Variants in USP3 observed in about 807,000 individuals in gnomAD.
USP3 encodes the protein ubiquitin specific peptidase 3.
A neutral mutation model predicts 72.3 loss-of-function variants in USP3; 20 were observed. That is an observed-to-expected ratio of 0.28 (90% CI 0.19 to 0.40). The LOEUF is 0.40. Ranked by LOEUF, USP3 falls within the 10% of genes least tolerant of loss-of-function variation. The probability of loss-of-function intolerance (pLI) is 1.00; values close to 1 mark genes in which losing one functional copy is unlikely to be tolerated. For missense variants in USP3, 479 were observed against 633.9 expected (o/e 0.76, Z 2.62); for synonymous variants, 222 against 225.3 (o/e 0.99, Z 0.13).
At chr15:63,555,346 C>T (rs1193910766) in intron 4 of USP3, among the ~76,000 whole-genome samples, 1 of 152,222 alleles carries the variant, frequency 6.6e-6, no homozygotes, top group African/African-American at 2.4e-5. Flanking sequence ...CCCCGTGGAG[C>T]AGCACTGTCC....
At chr15:63,556,804 T>G in intron 5 of USP3, 56 bp downstream of exon 5, 6 of 1,188,346 alleles carry the variant, frequency 5.0e-6, no homozygotes, top group Non-Finnish European at 4.8e-6. Flanking sequence ...AATCACTGTT[T>G]TGTTACAACT....
At chr15:63,505,172 C>G (rs1373896831) in intron 1 of USP3, among the ~76,000 whole-genome samples, 1 of 151,864 alleles carries the variant, frequency 6.6e-6, no homozygotes, top group South Asian at 2.1e-4. Flanking sequence ...TGTGCCCGTC[C>G]GTGTTGCGGG....
At chr15:63,512,271 C>T (rs1301542500) in intron 1 of USP3, among the ~76,000 whole-genome samples, 2 of 150,986 alleles carry the variant, frequency 1.3e-5, no homozygotes, top group Non-Finnish European at 2.9e-5. Context: ...TTCCCCTCTT[C>T]TTCTTCTTCC....
At position 63,570,972 on chromosome 15, in the gene USP3, T is replaced by A. The variant is rs2152677971; in HGVS notation, c.908+393T>A. Among the ~76,000 whole-genome samples the A allele has an allele frequency of 6.6e-6, 1 of 152,352 alleles. No individual in the cohort carries two copies. The highest frequency in any genetic ancestry group is 1.5e-5 in the Non-Finnish European group (1 of 68,034). On this transcript the variant is annotated intron_variant, in intron 9 of 14. Coordinates refer to ENST00000380324, the MANE Select transcript of USP3 (RefSeq NM_006537.4). The surrounding 1 kb of genome is among the most constrained non-coding windows in gnomAD (Gnocchi z 4.4). ...GCTTAAAACATTTTGAATGTGAACT[T>A]TCCTAAAGCTTCATTATGGACTTGA...
rs191003180 is a variant in USP3, at chr15:63,583,809, C to G, written c.1097-4496C>G. 4.1e-4 allele frequency among the ~76,000 whole-genome samples: 63 copies of G among 152,248 alleles called. No homozygotes were observed. The East Asian group carries it at 4.8e-3, about 12-fold the overall frequency. ...TGTAAGCATGTCTCAGAATTTACTTCCTTTTTGAGGCTTAATATTCTCTGG... is the reference window on the plus strand; with the variant it reads ...TGTAAGCATGTCTCAGAATTTACTTGCTTTTTGAGGCTTAATATTCTCTGG... On this transcript the variant is annotated intron_variant, in intron 11 of 14. Coordinates refer to ENST00000380324, the MANE Select transcript of USP3 (RefSeq NM_006537.4).
chr15:63,556,939 G>A (rs978603133), intron 5 of USP3, 191 bp downstream of exon 5: 5 of 494,376 alleles, frequency 1.0e-5, no homozygotes, highest in African/African-American at 7.8e-5. Flanking sequence ...CCATCTGTCA[G>A]CACCTTCTTC....
intron 8 of USP3, among the ~76,000 whole-genome samples, chr15:63,566,674 G>C (rs1451034192): frequency 6.6e-6 from 1 of 152,102 alleles, no homozygotes; most frequent in African/African-American, 2.4e-5. Flanking sequence ...TTTGTGAAAA[G>C]ATTTTAAAAT....
intron 3 of USP3, among the ~76,000 whole-genome samples, chr15:63,543,449 G>A (rs920660971): frequency 6.6e-6 from 1 of 152,116 alleles, no homozygotes; most frequent in Admixed American, 6.6e-5. Context: ...TTATTTGGGA[G>A]GAGAAAAGAA....
At chr15:63,508,865 C>G (rs1455778025) in intron 1 of USP3, among the ~76,000 whole-genome samples, 1 of 152,158 alleles carries the variant, frequency 6.6e-6, no homozygotes, top group Non-Finnish European at 1.5e-5. Flanking sequence ...TTGAGAGTGC[C>G]TCTTTAAGTT....
At chr15:63,563,791 T>C (rs559884550) in intron 8 of USP3, among the ~76,000 whole-genome samples, 1 of 152,368 alleles carries the variant, frequency 6.6e-6, no homozygotes, top group South Asian at 2.1e-4. Flanking sequence ...CATGCTGTAG[T>C]AAACTTAGTC....
At chr15:63,568,507 A>G (rs939983497) in intron 8 of USP3, among the ~76,000 whole-genome samples, 13 of 152,352 alleles carry the variant, frequency 8.5e-5, no homozygotes, top group Non-Finnish European at 1.5e-4. Flanking sequence ...AAATGTGTAT[A>G]CAAAACATAA....
Position 63,529,207 on chromosome 15 carries a change from T to C in USP3, c.92-3440T>C, listed in dbSNP as rs1446701048. The C allele has an allele frequency of 6.3e-6, 3 of 475,210 alleles. No individual in the cohort carries two copies. The highest frequency in any genetic ancestry group is 1.2e-5 in the Non-Finnish European group (3 of 259,468). 29.4% of individuals were successfully genotyped at this position (475,210 alleles called of 1,614,324 possible). A position where few individuals can be genotyped will look rare whatever the true frequency, so the allele number is the denominator to read the frequency against. ...TTTTTTTTTTCTTTTTTTTGAGATA[T>C]ATTAAAAGGCACAGTCCATAGTCAC... On this transcript the variant is annotated intron_variant, in intron 1 of 14. Coordinates refer to ENST00000380324, the MANE Select transcript of USP3 (RefSeq NM_006537.4). The surrounding 1 kb of genome is among the most constrained non-coding windows in gnomAD (Gnocchi z 4.2).
chr15:63,589,480 C>T (rs1595782401), intron 14 of USP3, among the ~76,000 whole-genome samples: 1 of 152,166 alleles, frequency 6.6e-6, no homozygotes, highest in East Asian at 1.9e-4. Flanking sequence ...CTTAAGACTA[C>T]TATATGTGGG....
chr15:63,505,145 C>T (rs1186261081), intron 1 of USP3, among the ~76,000 whole-genome samples: 1 of 151,688 alleles, frequency 6.6e-6, no homozygotes, highest in African/African-American at 2.4e-5. Flanking sequence ...TTGCCCCGCC[C>T]TGCCGTGGCC....
chr15:63,558,584 C>T (rs1158084643), intron 6 of USP3, among the ~76,000 whole-genome samples: 1 of 150,946 alleles, frequency 6.6e-6, no homozygotes, highest in Admixed American at 6.6e-5. Flanking sequence ...TAAAACAACA[C>T]TTTAGGGCCA....
chr15:63,567,378 G>A lies in USP3; in HGVS notation c.762-3055G>A, dbSNP rs577465753. 2.2e-5 allele frequency among the ~76,000 whole-genome samples: 3 copies of A among 134,944 alleles called. No individual in the cohort carries two copies. The Admixed American group carries it at 2.5e-4, about 11-fold the overall frequency. The allele number at this position is 134,944 out of a possible 152,430, so 88.5% of individuals were successfully genotyped here. The stretch of plus-strand genomic sequence containing the variant: ...TTTTTTTTTTTTGAGACGGAGTCTC[G>A]CTCTGTTGCCCGGGCTGGAGTGCAG... On this transcript the variant is annotated intron_variant, in intron 8 of 14. Coordinates refer to ENST00000380324, the MANE Select transcript of USP3 (RefSeq NM_006537.4).
intron 11 of USP3, among the ~76,000 whole-genome samples, chr15:63,580,659 TA>T (rs200128511): frequency 0.022 from 1,112 of 51,558 alleles, 50 homozygotes; most frequent in Non-Finnish European, 0.033. Context: ...TATGAATATA[TA>T]ATATATATAT....
Position 63,570,143 on chromosome 15 carries a change from C to T in USP3, c.762-290C>T, listed in dbSNP as rs1027683793. Among the ~76,000 whole-genome samples, 4 of 152,200 alleles carry T rather than the reference C, an allele frequency of 2.6e-5. No individual in the cohort carries two copies. Among genetic ancestry groups the T allele is most frequent in the African/African-American group, 9.7e-5 (4 of 41,450 alleles). ...TTGCTGTAGGACGTTGGGGAAGTCA[C>T]ATACCACCCCGCCACCTCCACAATT... On this transcript the variant is annotated intron_variant, in intron 8 of 14. Transcript: ENST00000380324. This position sits in a 1 kb window ranked among gnomAD's most constrained non-coding sequence, Gnocchi z 4.4.
At chr15:63,512,342 TC>T in intron 1 of USP3, among the ~76,000 whole-genome samples, 1 of 72,734 alleles carries the variant, frequency 1.4e-5, no homozygotes, top group Non-Finnish European at 3.9e-5. Flanking sequence ...TTCCTCCTCT[TC>T]CTCCTCTTCC....
Sources: gnomAD v4.1 joint callset for allele counts (sites outside exome capture counted in the v4.1 genomes callset) on GRCh38, gnomAD v4.1.1 for gene constraint, Gnocchi (gnomAD v3.1) non-coding constraint, MANE v1.5 for transcripts, NCBI Gene and HGNC (gene_info 2026-07-23, HGNC 2026-07-21) for gene names.